Variants in ABCA6 observed in about 807,000 individuals in gnomAD.
ABCA6 encodes the protein ATP binding cassette subfamily A member 6.
A neutral mutation model predicts 191.2 loss-of-function variants in ABCA6; 164 were observed. That is an observed-to-expected ratio of 0.86 (90% confidence interval 0.76 to 0.98). The LOEUF (loss-of-function observed/expected upper bound fraction) is 0.98. Among genes scored for constraint, ABCA6 ranks in the 50% least tolerant of loss-of-function variants. ABCA6 has a pLI of 0.00. For missense variants in ABCA6, 1,958 were observed against 1,894.1 expected (o/e 1.03, Z -0.63); for synonymous variants, 636 against 647.7 (o/e 0.98, Z 0.27).
At chr17:69,082,283 G>A (rs2144604334) in intron 36 of ABCA6, among the ~76,000 whole-genome samples, 1 of 151,352 alleles carries the variant, frequency 6.6e-6, no homozygotes, top group East Asian at 1.9e-4. Flanking sequence ...TTCAGTTTCT[G>A]CTCCACCTTC....
intron 6 of ABCA6, among the ~76,000 whole-genome samples, chr17:69,132,057 T>C (rs938514502): frequency 4.6e-5 from 7 of 152,134 alleles, no homozygotes; most frequent in African/African-American, 1.7e-4. Flanking sequence ...TCTTTTTCTA[T>C]CTTACAATTT....
At position 69,079,007 on chromosome 17, in the gene ABCA6, C is replaced by T; in HGVS notation, c.4820G>A (p.Arg1607Lys). 1 of 1,612,198 alleles carries T rather than the reference C, an allele frequency of 6.2e-7. No homozygotes were observed. Among genetic ancestry groups the T allele is most frequent in the Non-Finnish European group, 8.5e-7 (1 of 1,179,350 alleles). ...ATCTGAATGAGGGAGGAGTTTCCATCTCATTGTTGTATCAATTTCTTCATC... is the reference window on the plus strand; with the variant it reads ...ATCTGAATGAGGGAGGAGTTTCCATTTCATTGTTGTATCAATTTCTTCATC... ...NFDEEIDTTMRWKLLPHSDEP is the reference protein window; with the variant it reads ...NFDEEIDTTMKWKLLPHSDEP The change falls in exon 39 of 39, where the codon AGA (arginine) becomes AAA (lysine). Residue 1607 changes from arginine (R) to lysine (K), a missense_variant. Coordinates refer to ENST00000284425, the MANE Select transcript of ABCA6 (RefSeq NM_080284.3).
At chr17:69,137,692 T>C (rs2073971951) in intron 2 of ABCA6, among the ~76,000 whole-genome samples, 192 bp from the exon 3 acceptor site, 1 of 152,164 alleles carries the variant, frequency 6.6e-6, no homozygotes, top group African/African-American at 2.4e-5. Flanking sequence ...TTTATCATTC[T>C]CTAATACTAG....
At chr17:69,092,808 A>G (rs1442900512) in intron 25 of ABCA6, among the ~76,000 whole-genome samples, 2 of 152,234 alleles carry the variant, frequency 1.3e-5, no homozygotes, top group Non-Finnish European at 2.9e-5. Context: ...TCCTGTGAGG[A>G]GTAAACAAAT....
At chr17:69,120,346 T>A (rs1477823323) in intron 10 of ABCA6, among the ~76,000 whole-genome samples, 1 of 152,056 alleles carries the variant, frequency 6.6e-6, no homozygotes, top group African/African-American at 2.4e-5. Flanking sequence ...ATTTTTAACT[T>A]TTTAAAACAA....
At position 69,133,673 on chromosome 17, in the gene ABCA6, C is replaced by A; in HGVS notation, c.759G>T (p.Met253Ile). ...CTGAATCTTGGAGACCCATCATTTTCATCAAATTCTTAGACTTTTTTCTCT... is the reference window on the plus strand; with the variant it reads ...CTGAATCTTGGAGACCCATCATTTTAATCAAATTCTTAGACTTTTTTCTCT... ...TKERKKSKNL[M>I]KMMGLQDSAF... Residue 253 changes from methionine (M) to isoleucine (I), a missense_variant, in exon 6 of 39, where the codon ATG becomes ATT. Transcript: ENST00000284425. 1.2e-6 allele frequency: 2 copies of A among 1,603,728 alleles called. No homozygotes were observed. The highest frequency in any genetic ancestry group is 2.2e-5 in the East Asian group (1 of 44,564).
At chr17:69,116,199 G>A (rs553242400) in intron 11 of ABCA6, among the ~76,000 whole-genome samples, 1 of 152,170 alleles carries the variant, frequency 6.6e-6, no homozygotes, top group South Asian at 2.1e-4. Flanking sequence ...AAGTGATACT[G>A]GCTGTTGGGA....
intron 12 of ABCA6, 25 bp downstream of exon 12, chr17:69,115,351 C>G: frequency 6.4e-7 from 1 of 1,564,614 alleles, no homozygotes. Flanking sequence ...GACATCTTGC[C>G]TTTGAGAAAT....
At chr17:69,103,050 T>C in intron 20 of ABCA6, 82 bp from the exon 21 acceptor site, 1 of 803,358 alleles carries the variant, frequency 1.2e-6, no homozygotes, top group South Asian at 2.1e-5. Context: ...TATACATAAT[T>C]AAAGTTAATA....
At chr17:69,117,196 T>A (rs1880196799) in intron 11 of ABCA6, among the ~76,000 whole-genome samples, 1 of 152,028 alleles carries the variant, frequency 6.6e-6, no homozygotes, top group Admixed American at 6.6e-5. Context: ...TATTAGAAAA[T>A]ACACGCAATA....
At chr17:69,128,894 T>A (rs1245287813) in intron 7 of ABCA6, 90 bp from the exon 8 acceptor site, 11 of 998,140 alleles carry the variant, frequency 1.1e-5, no homozygotes, top group South Asian at 4.0e-5. Flanking sequence ...GATTTTTATA[T>A]CATAACATAA....
chr17:69,126,462 T>C (rs12952117), intron 8 of ABCA6, among the ~76,000 whole-genome samples: 95,405 of 151,576 alleles, frequency 0.63, 31,009 homozygotes, highest in Admixed American at 0.72. Flanking sequence ...TTAGCTTGAG[T>C]GACATGGTGA....
intron 6 of ABCA6, among the ~76,000 whole-genome samples, chr17:69,131,304 T>G (rs2073857158): frequency 6.6e-6 from 1 of 152,182 alleles, no homozygotes; most frequent in Non-Finnish European, 1.5e-5. Context: ...GATTTACTGG[T>G]TATTTGACTT....
Position 69,084,501 on chromosome 17 carries a change from C to A in ABCA6, c.4191G>T (p.Val1397=). 3 of 1,614,050 alleles carry A rather than the reference C, an allele frequency of 1.9e-6. No homozygotes were observed. The highest frequency in any genetic ancestry group is 1.1e-5 in the South Asian group (1 of 91,084). ...ADARLAIARL[V]SAFKLHEQLN... ...GCTGCTCATGCAGTTTGAAAGCACTCACTAATCTGACAGAAAACAGAATGA... is the reference window on the plus strand; with the variant it reads ...GCTGCTCATGCAGTTTGAAAGCACTAACTAATCTGACAGAAAACAGAATGA... Residue 1397 remains valine, a synonymous_variant, in exon 33 of 39, where the codon GTG becomes GTT. Transcript: ENST00000284425.
At chr17:69,116,392 G>A (rs767033016) in intron 11 of ABCA6, among the ~76,000 whole-genome samples, 7 of 151,920 alleles carry the variant, frequency 4.6e-5, no homozygotes, top group Non-Finnish European at 1.0e-4. Context: ...TATTGTTGTC[G>A]TTGTCATTAT....
At chr17:69,094,281 A>T (rs1354822399) in intron 25 of ABCA6, 2 of 152,274 alleles carry the variant, frequency 1.3e-5, no homozygotes, top group Non-Finnish European at 2.9e-5. Context: ...CCGTATATAC[A>T]AGGGGCATTC....
Position 69,112,279 on chromosome 17 carries a change from T to C in ABCA6, c.2042-6A>G. Reference sequence around the variant, plus strand: ...GGACATGATCACTTTTCTATCTGAATGAAAGAAATCAAGGGAGAAAAGATA... The same window carrying C: ...GGACATGATCACTTTTCTATCTGAACGAAAGAAATCAAGGGAGAAAAGATA... On this transcript the variant is annotated splice_region_variant and splice_polypyrimidine_tract_variant and intron_variant, in intron 15 of 38. Coordinates refer to ENST00000284425, the MANE Select transcript of ABCA6 (RefSeq NM_080284.3). 1 of 1,602,940 alleles carries C rather than the reference T, an allele frequency of 6.2e-7. No individual in the cohort carries two copies. Among genetic ancestry groups the C allele is most frequent in the Non-Finnish European group, 8.5e-7 (1 of 1,170,986 alleles).
In ABCA6 at chr17:69,115,360, A is replaced by G. The variant is rs761476178; in HGVS notation, c.1606+16T>C. 6.3e-7 allele frequency: 1 copy of G among 1,589,280 alleles called. No individual in the cohort carries two copies. Among genetic ancestry groups the G allele is most frequent in the Admixed American group, 1.7e-5 (1 of 58,776 alleles). ...TTATAAGACATCTTGCCTTTGAGAA[A>G]TTTCTTTTTACTCACCTTCTGTTGG... is the stretch of plus-strand genomic sequence containing the variant. On this transcript the variant is annotated intron_variant, in intron 12 of 38. Transcript: ENST00000284425.
In ABCA6 at chr17:69,110,944, A is replaced by C. The variant is rs2073411026; in HGVS notation, c.2133-4T>G. 1 of 1,582,352 alleles carries C rather than the reference A, an allele frequency of 6.3e-7. No homozygotes were observed. The highest frequency in any genetic ancestry group is 1.4e-5 in the African/African-American group (1 of 72,924). On this transcript the variant is annotated splice_polypyrimidine_tract_variant and splice_region_variant and intron_variant, in intron 16 of 38. Coordinates refer to ENST00000284425, the MANE Select transcript of ABCA6 (RefSeq NM_080284.3). The stretch of plus-strand genomic sequence containing the variant: ...ACATATTTCATTCCTATGTAAACTA[A>C]TATTTAAAAGAAAAGATAAGTCATT...
Sources: gnomAD v4.1 joint callset for allele counts (sites outside exome capture counted in the v4.1 genomes callset) on GRCh38, gnomAD v4.1.1 for gene constraint, MANE v1.5 for transcripts, NCBI Gene and HGNC (gene_info 2026-07-23, HGNC 2026-07-21) for gene names.